CTNNA3: variants seen among roughly 807,000 people sequenced by gnomAD.
CTNNA3 encodes the protein catenin alpha-3.
A neutral mutation model predicts 95.7 loss-of-function variants in CTNNA3; 76 were observed. The ratio of observed to expected loss-of-function variants is 0.79; its 90% CI spans 0.66 to 0.96. CTNNA3 has a LOEUF of 0.96. CTNNA3 is among the 40% of genes least tolerant of loss of function. The probability of loss-of-function intolerance (pLI) is 0.00; values close to 1 mark genes in which losing one functional copy is unlikely to be tolerated. For missense variants in CTNNA3, 1,191 were observed against 1,089.8 expected (o/e 1.09, Z -1.31); for synonymous variants, 431 against 374.4 (o/e 1.15, Z -1.74).
rs530386919 is a variant in CTNNA3 at position 67,268,902 on chromosome 10, T to C, written c.580-49032A>G. ...ATATAAGCCATGCAATAATAACTAC[T>C]AAAAATAAAAAAAATGTCCAAAAGA... On this transcript the variant is annotated intron_variant, in intron 5 of 17. Transcript: ENST00000433211. 1.2e-3 allele frequency among the ~76,000 whole-genome samples: 183 copies of C among 152,142 alleles called. 1 individual carries two copies. The highest frequency in any genetic ancestry group is 4.3e-3 in the African/African-American group (179 of 41,536).
rs528088497 is a variant in CTNNA3 at position 66,174,316 on chromosome 10, G to C, written c.1885-71067C>G. 4.6e-5 allele frequency among the ~76,000 whole-genome samples: 7 copies of C among 151,950 alleles called. No homozygotes were observed. In the East Asian group the frequency reaches 1.4e-3, roughly 29 times the overall value. On this transcript the variant is annotated intron_variant, in intron 13 of 17. Transcript: ENST00000433211. ...ATAACAAAGAAAATAACTCTACCTAGCAATAACTACTACCAAATTTTTAAT... is the reference window on the plus strand; with the variant it reads ...ATAACAAAGAAAATAACTCTACCTACCAATAACTACTACCAAATTTTTAAT...
At chr10:67,316,046 T>C (rs925382302) in intron 5 of CTNNA3, among the ~76,000 whole-genome samples, 1 of 152,208 alleles carries the variant, frequency 6.6e-6, no homozygotes, top group Non-Finnish European at 1.5e-5. Context: ...ATAGTGATAA[T>C]GGGATTTGTA....
chr10:66,533,882 G>A (rs574666083), intron 10 of CTNNA3, among the ~76,000 whole-genome samples: 1 of 152,130 alleles, frequency 6.6e-6, no homozygotes, highest in African/African-American at 2.4e-5. Context: ...ACCAGCCTGG[G>A]CAACATAGCA....
intron 10 of CTNNA3, among the ~76,000 whole-genome samples, chr10:66,575,749 G>A (rs1842985410): frequency 6.6e-6 from 1 of 152,082 alleles, no homozygotes; most frequent in African/African-American, 2.4e-5. Flanking sequence ...TGTTTTCAAT[G>A]AGGATATAGG....
chr10:66,180,687 T>C (rs2085993936), intron 13 of CTNNA3, among the ~76,000 whole-genome samples: 1 of 152,174 alleles, frequency 6.6e-6, no homozygotes, highest in South Asian at 2.1e-4. Context: ...ATGGCAGTGC[T>C]TATCAGTCTG....
Position 66,927,037 on chromosome 10 carries a change from G to A in CTNNA3, c.1048-151513C>T. 1 of 1,614,028 alleles carries A rather than the reference G, an allele frequency of 6.2e-7. No homozygotes were observed. Among genetic ancestry groups the A allele is most frequent in the East Asian group, 2.2e-5 (1 of 44,878 alleles). On this transcript the variant is annotated intron_variant, in intron 7 of 17. Transcript: ENST00000433211. The surrounding 1 kb of genome is among the most constrained non-coding windows in gnomAD (Gnocchi z 4.7). ...AGGATGCCCTAAGGGCTGTAGGTGTGAAGGCAAAATGGTATATTGTGAATC... is the reference window on the plus strand; with the variant it reads ...AGGATGCCCTAAGGGCTGTAGGTGTAAAGGCAAAATGGTATATTGTGAATC...
chr10:67,393,805 T>C (rs1254118455), intron 5 of CTNNA3, among the ~76,000 whole-genome samples: 1 of 152,140 alleles, frequency 6.6e-6, no homozygotes, highest in African/African-American at 2.4e-5. Context: ...ATTAGGTTTC[T>C]ACTAAAAAAT....
chr10:67,575,052 C>T (rs558170036), intron 3 of CTNNA3, among the ~76,000 whole-genome samples: 1 of 152,212 alleles, frequency 6.6e-6, no homozygotes, highest in East Asian at 1.9e-4. Context: ...TCTTCTTCTC[C>T]AAGGACCCAA....
intron 11 of CTNNA3, among the ~76,000 whole-genome samples, chr10:66,427,420 T>C (rs1283003658): frequency 6.6e-6 from 1 of 152,062 alleles, no homozygotes; most frequent in African/African-American, 2.4e-5. Flanking sequence ...TTCCTTACGG[T>C]TGGAACTGTC....
intron 10 of CTNNA3, among the ~76,000 whole-genome samples, chr10:66,603,189 A>T (rs547829635): frequency 1.4e-4 from 22 of 152,236 alleles, no homozygotes; most frequent in African/African-American, 5.3e-4. Flanking sequence ...TATATTTAGA[A>T]AGGCCTATTA....
intron 7 of CTNNA3, among the ~76,000 whole-genome samples, chr10:66,945,526 A>G (rs1678811290): frequency 6.6e-6 from 1 of 152,032 alleles, no homozygotes; most frequent in Non-Finnish European, 1.5e-5. Context: ...GACCACTAAA[A>G]TGTTCTCCAT....
At chr10:66,333,786 T>A (rs10822815) in intron 12 of CTNNA3, among the ~76,000 whole-genome samples, 62,312 of 150,558 alleles carry the variant, frequency 0.41, 14,067 homozygotes, top group Non-Finnish European at 0.51. Flanking sequence ...GATATCCTTG[T>A]TAACTTTCTG....
At chr10:67,097,762 G>A in intron 7 of CTNNA3, 1 of 1,612,388 alleles carries the variant, frequency 6.2e-7, no homozygotes, top group Non-Finnish European at 8.5e-7. Context: ...ACAACAGCTG[G>A]CCGAATCAGT....
At chr10:66,116,771 C>T (rs1019968713) in intron 13 of CTNNA3, among the ~76,000 whole-genome samples, 3 of 152,200 alleles carry the variant, frequency 2.0e-5, no homozygotes, top group African/African-American at 4.8e-5. Context: ...AGGAACCTTA[C>T]AATCATGGTG....
intron 14 of CTNNA3, among the ~76,000 whole-genome samples, chr10:66,099,977 A>G (rs949416554): frequency 2.0e-5 from 3 of 152,220 alleles, no homozygotes; most frequent in East Asian, 3.8e-4. Flanking sequence ...TAAAACTGGA[A>G]TAATATTAAT....
At chr10:67,363,042 G>A (rs769473527) in intron 5 of CTNNA3, among the ~76,000 whole-genome samples, 24 of 151,784 alleles carry the variant, frequency 1.6e-4, no homozygotes, top group Non-Finnish European at 1.0e-4. Flanking sequence ...AAAGACCTAA[G>A]AATTCATCTA....
chr10:67,618,506 C>T (rs1843727957), intron 2 of CTNNA3, among the ~76,000 whole-genome samples: 1 of 152,178 alleles, frequency 6.6e-6, no homozygotes, highest in Admixed American at 6.5e-5. Flanking sequence ...ATTTCCCTCC[C>T]ACTATCTGCT....
chr10:65,991,505 T>G (rs1189050425), intron 15 of CTNNA3, among the ~76,000 whole-genome samples: 2 of 152,030 alleles, frequency 1.3e-5, no homozygotes, highest in Non-Finnish European at 2.9e-5. Flanking sequence ...TCCTAGGCTT[T>G]TTTTTTGTAG....
chr10:66,078,990 A>T (rs2080639351), intron 14 of CTNNA3: 1 of 151,974 alleles, frequency 6.6e-6, no homozygotes, highest in African/African-American at 2.4e-5. Flanking sequence ...TTGGAAGTAG[A>T]CAGAAGGTGT....
Sources: gnomAD v4.1 joint callset for allele counts (sites outside exome capture counted in the v4.1 genomes callset) on GRCh38, gnomAD v4.1.1 for gene constraint, Gnocchi (gnomAD v3.1) non-coding constraint, MANE v1.5 for transcripts, NCBI Gene and HGNC (gene_info 2026-07-23, HGNC 2026-07-21) for gene names.